Variants in PSD3 observed in about 807,000 individuals in gnomAD.
The protein encoded by PSD3 is PH and SEC7 domain-containing protein 3.
In PSD3, 49 loss-of-function variants were observed where a neutral mutation model predicts 105.5. The observed-to-expected ratio is 0.46, with a 90% CI of 0.37 to 0.59. PSD3 has a LOEUF of 0.59. Ranked by LOEUF, PSD3 falls within the 20% of genes least tolerant of loss-of-function variation. The pLI, the probability that PSD3 is intolerant of heterozygous loss-of-function variation, is 0.00. For missense variants in PSD3, 1,561 were observed against 1,263.8 expected, an observed-to-expected ratio of 1.24 and a Z score of -3.57; for synonymous variants, 557 against 457.8, an observed-to-expected ratio of 1.22 and a Z score of -2.77.
intron 15 of PSD3, among the ~76,000 whole-genome samples, chr8:18,540,072 G>C (rs765752427): frequency 1.3e-5 from 2 of 152,204 alleles, no homozygotes; most frequent in Non-Finnish European, 2.9e-5. Flanking sequence ...AAGCAGGCGT[G>C]ATGACCCTTG....
chr8:18,760,365 T>A (rs1585869990), intron 9 of PSD3, among the ~76,000 whole-genome samples: 1 of 152,084 alleles, frequency 6.6e-6, no homozygotes, highest in Non-Finnish European at 1.5e-5. Flanking sequence ...GATTTATTTA[T>A]ATAGTCGAAA....
chr8:18,930,531 C>T (rs1172428960), intron 2 of PSD3, among the ~76,000 whole-genome samples: 3 of 151,482 alleles, frequency 2.0e-5, no homozygotes, highest in Admixed American at 2.0e-4. Flanking sequence ...CCTAGTGGTA[C>T]AGAACGTATA....
In PSD3 at chr8:18,804,791, T is replaced by C. The variant is rs771482425; in HGVS notation, c.1742A>G (p.Asn581Ser). 11 of 1,614,052 alleles carry C rather than the reference T, an allele frequency of 6.8e-6. No homozygotes were observed. The highest frequency in any genetic ancestry group is 1.6e-4 in the Middle Eastern group (1 of 6,084). Reference sequence around the variant, plus strand: ...GGCCAACCTTTTGGCTGCTTCCACATTGCTGCTGGTACCATTACTGAGATT... The same window carrying C: ...GGCCAACCTTTTGGCTGCTTCCACACTGCTGCTGGTACCATTACTGAGATT... ...PENLSNGTSSNVEAAKRLAKR... is the reference protein window; with the variant it reads ...PENLSNGTSSSVEAAKRLAKR... Residue 581 changes from asparagine (N) to serine (S), a missense_variant, in exon 5 of 16, where the codon AAT becomes AGT. Coordinates refer to ENST00000327040, the MANE Select transcript of PSD3 (RefSeq NM_015310.4).
intron 9 of PSD3, among the ~76,000 whole-genome samples, chr8:18,725,210 C>T (rs1803265348): frequency 6.6e-6 from 1 of 152,166 alleles, no homozygotes; most frequent in South Asian, 2.1e-4. Context: ...TAACGCGACG[C>T]AAGCCCCCCA....
At chr8:18,914,547 A>T (rs915500742) in intron 2 of PSD3, among the ~76,000 whole-genome samples, 2 of 152,256 alleles carry the variant, frequency 1.3e-5, no homozygotes, top group African/African-American at 4.8e-5. Flanking sequence ...TACAAAAACC[A>T]GTAGCAATTC....
At chr8:18,602,217 T>C (rs1236411891) in intron 11 of PSD3, among the ~76,000 whole-genome samples, 1 of 152,164 alleles carries the variant, frequency 6.6e-6, no homozygotes, top group Non-Finnish European at 1.5e-5. Context: ...CATCTACGTT[T>C]CTACTTTCGC....
intron 9 of PSD3, among the ~76,000 whole-genome samples, chr8:18,673,547 G>A (rs1022599462): frequency 4.6e-5 from 7 of 152,078 alleles, no homozygotes; most frequent in African/African-American, 1.7e-4. Context: ...CCTCTAATCT[G>A]GCTGGTTTCT....
At chr8:18,546,377 G>C (rs1349759584) in intron 15 of PSD3, among the ~76,000 whole-genome samples, 1 of 152,100 alleles carries the variant, frequency 6.6e-6, no homozygotes, top group East Asian at 1.9e-4. Context: ...CATCTTACCA[G>C]TCCATGTCCA....
chr8:18,892,236 T>G (rs1287875334), intron 2 of PSD3, among the ~76,000 whole-genome samples: 1 of 151,924 alleles, frequency 6.6e-6, no homozygotes, highest in Non-Finnish European at 1.5e-5. Flanking sequence ...ACTTTTTTTT[T>G]TTTTTGAGAC....
intron 10 of PSD3, among the ~76,000 whole-genome samples, chr8:18,644,785 C>T (rs540302103): frequency 2.0e-5 from 3 of 152,152 alleles, no homozygotes; most frequent in East Asian, 1.9e-4. Context: ...CCCTAATTCT[C>T]GGTACCAATC....
At chr8:18,979,929 C>T (rs1402754357) in intron 1 of PSD3, among the ~76,000 whole-genome samples, 1 of 152,170 alleles carries the variant, frequency 6.6e-6, no homozygotes, top group Non-Finnish European at 1.5e-5. Flanking sequence ...GAACAGTATC[C>T]TTCTACAGAA....
intron 2 of PSD3, among the ~76,000 whole-genome samples, chr8:18,886,065 A>G (rs1818432543): frequency 6.6e-6 from 1 of 152,106 alleles, no homozygotes; most frequent in African/African-American, 2.4e-5. Context: ...CCCATCCAGC[A>G]CTACAACATT....
chr8:18,755,884 C>T (rs1420751680), intron 9 of PSD3, among the ~76,000 whole-genome samples: 1 of 151,944 alleles, frequency 6.6e-6, no homozygotes, highest in East Asian at 1.9e-4. Context: ...CATCATTATT[C>T]TGCCCATGAT....
chr8:18,632,627 A>T lies in PSD3; in HGVS notation c.2396T>A (p.Met799Lys), dbSNP rs1429667800. 5 of 1,611,758 alleles carry T rather than the reference A, an allele frequency of 3.1e-6. No individual in the cohort carries two copies. The highest frequency in any genetic ancestry group is 4.2e-6 in the Non-Finnish European group (5 of 1,178,598). ...ATGATACTTACTCTTCTTTCCATCC[A>T]TATCTGCATGAATTTTCCGAGCCAA... ...GFLARKIHADMDGKKTPRGKR... is the reference protein window; with the variant it reads ...GFLARKIHADKDGKKTPRGKR... Residue 799 changes from methionine (M) to lysine (K), a missense_variant, in exon 11 of 16, where the codon ATG becomes AAG. Transcript: ENST00000327040.
rs1313772397 is a variant in PSD3 at position 18,529,830 on chromosome 8, T to C, written c.*5913A>G. ...ACATGATTTTTGAATCAAATGGCTG[T>C]TTCTGCAGATCACAATAATTCTTAG... On this transcript the variant is annotated 3_prime_UTR_variant, in exon 16 of 16. Coordinates refer to ENST00000327040, the MANE Select transcript of PSD3 (RefSeq NM_015310.4). 1 of 152,636 alleles carries C rather than the reference T, an allele frequency of 6.6e-6. No individual in the cohort carries two copies. The highest frequency in any genetic ancestry group is 1.5e-5 in the Non-Finnish European group (1 of 68,048). 9.5% of individuals were successfully genotyped at this position (152,636 alleles called of 1,614,324 possible). A position where few individuals can be genotyped will look rare whatever the true frequency, so the allele number is the denominator to read the frequency against.
At chr8:18,726,423 C>G (rs1803338430) in intron 9 of PSD3, among the ~76,000 whole-genome samples, 1 of 152,160 alleles carries the variant, frequency 6.6e-6, no homozygotes, top group African/African-American at 2.4e-5. Flanking sequence ...CCCCAATATT[C>G]TCTTGTATCC....
chr8:18,733,752 C>T (rs546890889), intron 9 of PSD3: 1 of 152,772 alleles, frequency 6.5e-6, no homozygotes, highest in East Asian at 1.9e-4. Flanking sequence ...TATCTTTCTT[C>T]CAGCTACAGA....
rs1038408079 is a variant in PSD3 at position 19,062,611 on chromosome 8, T to C, written c.324+21595A>G. ...AAAGAATCTTTAGATTTATTATTAA[T>C]AAAGGGAAAACCAGTATTATTTTCT... On this transcript the variant is annotated intron_variant, in intron 1 of 1. Coordinates refer to the PSD3 transcript ENST00000521475. 6.6e-5 allele frequency among the ~76,000 whole-genome samples: 10 copies of C among 152,170 alleles called. 1 individual carries two copies. The highest frequency in any genetic ancestry group is 2.6e-4 in the Admixed American group (4 of 15,268).
At chr8:18,994,892 C>G (rs922922813) in intron 1 of PSD3, among the ~76,000 whole-genome samples, 1 of 151,562 alleles carries the variant, frequency 6.6e-6, no homozygotes, top group Admixed American at 6.6e-5. Flanking sequence ...TTTCAGAGTT[C>G]AGATAATTAA....
Sources: gnomAD v4.1 joint callset for allele counts (sites outside exome capture counted in the v4.1 genomes callset) on GRCh38, gnomAD v4.1.1 for gene constraint, MANE v1.5 for transcripts, NCBI Gene and HGNC (gene_info 2026-07-23, HGNC 2026-07-21) for gene names.